PCDHGB5: variants seen among roughly 807,000 people sequenced by gnomAD.
PCDHGB5 encodes the protein protocadherin gamma subfamily B, 5.
Under a neutral mutation model 62.9 loss-of-function variants are expected in PCDHGB5, and 48 were observed. That is an observed-to-expected ratio of 0.76 (90% CI 0.61 to 0.97). The LOEUF is 0.97. Ranked by LOEUF, PCDHGB5 falls within the 50% of genes least tolerant of loss-of-function variation. The pLI is 0.00. For missense variants in PCDHGB5, 1,118 were observed against 1,198.6 expected (o/e 0.93, Z 0.99); for synonymous variants, 474 against 511.2 (o/e 0.93, Z 0.98).
rs34152666 is a variant in PCDHGB5 at position 141,428,860 on chromosome 5, C to CT, written c.2397+28349dup. 6.7e-4 allele frequency: 98 copies of CT among 145,544 alleles called. 1 individual carries two copies. The highest frequency in any genetic ancestry group is 1.4e-3 in the East Asian group (7 of 4,990). 9.0% of individuals were successfully genotyped at this position (145,544 alleles called of 1,614,324 possible). On this transcript the variant is annotated intron_variant, in intron 1 of 3. Transcript: ENST00000617380. ...ACATTTTCACCATTTTTACGGGAGA[C>CT]TTTTTTTTTTTTTGGACGGAGTCTC...
intron 2 of PCDHGB5, among the ~76,000 whole-genome samples, chr5:141,497,661 T>A (rs1485909952): frequency 3.3e-5 from 5 of 151,062 alleles, no homozygotes; most frequent in African/African-American, 4.9e-5. Context: ...TGCCTCAGCC[T>A]CCCGAGTAGC....
rs2096205933 is a variant in PCDHGB5, at chr5:141,417,998, G to C, written c.2397+17474G>C. ...GGAGGAGCTGGCCAAGGGCTCGGTGGTGGGGAACCTCGCTAAGGATCTAGG... is the reference window on the plus strand; with the variant it reads ...GGAGGAGCTGGCCAAGGGCTCGGTGCTGGGGAACCTCGCTAAGGATCTAGG... On this transcript the variant is annotated intron_variant, in intron 1 of 3. Transcript: ENST00000617380. The C allele has an allele frequency of 1.9e-6, 3 of 1,613,928 alleles. No individual in the cohort carries two copies. The East Asian group carries it at 6.7e-5, about 36-fold the overall frequency.
intron 1 of PCDHGB5, among the ~76,000 whole-genome samples, chr5:141,481,676 G>A (rs975849679): frequency 3.3e-5 from 5 of 152,028 alleles, no homozygotes; most frequent in Admixed American, 1.3e-4. Flanking sequence ...AAATCAGGCC[G>A]GGCCTGGTGG....
At chr5:141,429,845 T>C (rs888160645) in intron 1 of PCDHGB5, among the ~76,000 whole-genome samples, 4 of 152,222 alleles carry the variant, frequency 2.6e-5, no homozygotes, top group Non-Finnish European at 1.5e-5. Context: ...GGTAAGTCTG[T>C]AACATTCTTT....
rs1028782991 is a variant in PCDHGB5, at chr5:141,503,926, C to T, written c.2457-1467C>T. 2.6e-5 allele frequency among the ~76,000 whole-genome samples: 4 copies of T among 152,196 alleles called. No individual in the cohort carries two copies. The East Asian group carries it at 7.7e-4, about 29-fold the overall frequency. ...ACACACAACGCAACACACACACAGA[C>T]ATTTTCATGCCTTCAAGGCCTACCC... On this transcript the variant is annotated intron_variant, in intron 2 of 3. Coordinates refer to ENST00000617380, the MANE Select transcript of PCDHGB5 (RefSeq NM_018925.3).
At chr5:141,417,949 TGA>T (rs2096196504) in intron 1 of PCDHGB5, 1 of 1,613,400 alleles carries the variant, frequency 6.2e-7, no homozygotes, top group Non-Finnish European at 8.5e-7. Context: ...CCACGCTGTG[TGA>T]GCCGATCCGC....
At chr5:141,425,822 A>G (rs1257213242) in intron 1 of PCDHGB5, among the ~76,000 whole-genome samples, 1 of 152,240 alleles carries the variant, frequency 6.6e-6, no homozygotes, top group Non-Finnish European at 1.5e-5. Context: ...GAAAAAAACA[A>G]ACTTTTAAAT....
chr5:141,427,710 G>T, intron 1 of PCDHGB5: 2 of 1,033,628 alleles, frequency 1.9e-6, no homozygotes, highest in South Asian at 2.6e-5. Context: ...CAGCGCCTCT[G>T]ACCTGGACCT....
chr5:141,436,099 T>C (rs1400528271), intron 1 of PCDHGB5, among the ~76,000 whole-genome samples: 1 of 152,128 alleles, frequency 6.6e-6, no homozygotes, highest in Non-Finnish European at 1.5e-5. Flanking sequence ...TTGAGAGAAA[T>C]AGAGGACAAT....
Position 141,490,772 on chromosome 5 carries a change from C to T in PCDHGB5, c.2398-4035C>T. ...GCCTCCTCCTTTGTGTATGTCAACC[C>T]AGAGGATGGACGGATCTTTGCCCAG... On this transcript the variant is annotated intron_variant, in intron 1 of 3. Coordinates refer to ENST00000617380, the MANE Select transcript of PCDHGB5 (RefSeq NM_018925.3). This position sits in a 1 kb window ranked among gnomAD's most constrained non-coding sequence, Gnocchi z 5.4. 6.2e-7 allele frequency: 1 copy of T among 1,614,164 alleles called. No homozygotes were observed. The highest frequency in any genetic ancestry group is 1.1e-5 in the South Asian group (1 of 91,082).
intron 1 of PCDHGB5, chr5:141,417,959 C>A (rs759279387): frequency 5.0e-6 from 8 of 1,613,734 alleles, no homozygotes; most frequent in Non-Finnish European, 6.8e-6. Context: ...TGAGCCGATC[C>A]GCTACTCGAT....
chr5:141,433,192 A>G (rs756991371), intron 1 of PCDHGB5: 1 of 1,585,516 alleles, frequency 6.3e-7, no homozygotes, highest in Non-Finnish European at 8.6e-7. Flanking sequence ...AGGTGAGTTT[A>G]TATCAAATCT....
chr5:141,476,230 G>A lies in PCDHGB5; in HGVS notation c.2398-18577G>A, dbSNP rs906283645. On this transcript the variant is annotated intron_variant, in intron 1 of 3. Coordinates refer to ENST00000617380, the MANE Select transcript of PCDHGB5 (RefSeq NM_018925.3). This position sits in a 1 kb window ranked among gnomAD's most constrained non-coding sequence, Gnocchi z 7.6. Reference sequence around the variant, plus strand: ...CCACGGTCATTCACTATGAGATCCCGGAGGAAAGAGAGAAGGGTTTCGCTG... The same window carrying A: ...CCACGGTCATTCACTATGAGATCCCAGAGGAAAGAGAGAAGGGTTTCGCTG... The A allele has an allele frequency of 1.2e-6, 2 of 1,614,040 alleles. No homozygotes were observed. Among genetic ancestry groups the A allele is most frequent in the Non-Finnish European group, 1.7e-6 (2 of 1,180,024 alleles).
At chr5:141,414,310 G>A in intron 1 of PCDHGB5, 1 of 1,613,722 alleles carries the variant, frequency 6.2e-7, no homozygotes, top group South Asian at 1.1e-5. Context: ...GCATGATTTA[G>A]ACTCTGAGCA....
At chr5:141,494,638 A>G (rs2099755799) in intron 1 of PCDHGB5, 169 bp from the exon 2 acceptor site, 1 of 896,388 alleles carries the variant, frequency 1.1e-6, no homozygotes, top group African/African-American at 1.8e-5. Context: ...GACCTCTGAG[A>G]CCTGAGGTGT....
intron 1 of PCDHGB5, chr5:141,405,078 T>G: frequency 6.2e-7 from 1 of 1,613,888 alleles, no homozygotes; most frequent in Non-Finnish European, 8.5e-7. Flanking sequence ...ACCTTCGTTA[T>G]CACGCTGCTG....
At chr5:141,423,341 TC>T (rs767448191) in intron 1 of PCDHGB5, 181 of 1,614,176 alleles carry the variant, frequency 1.1e-4, no homozygotes, top group Admixed American at 2.7e-4. Context: ...TCCTGCATCT[TC>T]CTGGTCTTTG....
chr5:141,504,728 G>A (rs978910481), intron 2 of PCDHGB5, among the ~76,000 whole-genome samples: 5 of 151,522 alleles, frequency 3.3e-5, no homozygotes, highest in African/African-American at 9.7e-5. Context: ...TACTCTGAGG[G>A]CTTAGGAAGC....
Position 141,469,573 on chromosome 5 carries a change from C to CTAAA in PCDHGB5, c.2398-25217_2398-25214dup, listed in dbSNP as rs1209972534. Among the ~76,000 whole-genome samples the CTAAA allele has an allele frequency of 1.4e-4, 21 of 151,674 alleles. No individual in the cohort carries two copies. In the East Asian group the frequency reaches 2.3e-3, roughly 17 times the overall value. On this transcript the variant is annotated intron_variant, in intron 1 of 3. Coordinates refer to ENST00000617380, the MANE Select transcript of PCDHGB5 (RefSeq NM_018925.3). ...CTGGCGACAGAGTGAGACTCTGTCT[C>CTAAA]TAAATAAATAAATAAATAAAACAAA...
Sources: allele counts gnomAD v4.1 joint callset (sites outside exome capture counted in the v4.1 genomes callset), GRCh38; gene constraint gnomAD v4.1.1; non-coding constraint Gnocchi (gnomAD v3.1); transcripts MANE v1.5; gene names NCBI Gene and HGNC (gene_info 2026-07-23, HGNC 2026-07-21).